Variants in LRMDA observed in about 807,000 individuals in gnomAD.
LRMDA encodes the protein leucine-rich melanocyte differentiation-associated protein.
LRMDA carries 18 observed loss-of-function variants against 29.8 expected under a neutral mutation model. The ratio of observed to expected loss-of-function variants is 0.60; its 90% CI spans 0.42 to 0.90. The LOEUF (loss-of-function observed/expected upper bound fraction) is 0.90. Among genes scored for constraint, LRMDA ranks in the 40% least tolerant of loss-of-function variants. LRMDA has a pLI of 0.00. For synonymous variants in LRMDA, 125 were observed against 109.4 expected, an observed-to-expected ratio of 1.14 and a Z score of -0.89; for missense variants, 273 against 273.9, an observed-to-expected ratio of 1.00 and a Z score of 0.02.
At chr10:76,502,141 G>C (rs1329212173) in intron 6 of LRMDA, among the ~76,000 whole-genome samples, 1 of 151,796 alleles carries the variant, frequency 6.6e-6, no homozygotes, top group African/African-American at 2.4e-5. Flanking sequence ...GCCTATTTTT[G>C]TCAGCCATGT....
chr10:76,352,840 GC>G (rs1313331714), intron 6 of LRMDA, among the ~76,000 whole-genome samples: 9 of 152,070 alleles, frequency 5.9e-5, no homozygotes, highest in Non-Finnish European at 1.3e-4. Context: ...GGAAGGACCA[GC>G]CCCTGTGGCA....
intron 2 of LRMDA, among the ~76,000 whole-genome samples, chr10:75,763,382 A>C (rs1362254787): frequency 6.6e-6 from 1 of 152,168 alleles, no homozygotes; most frequent in African/African-American, 2.4e-5. Flanking sequence ...TTAAAAAAAA[A>C]CCTAGTCTTT....
chr10:76,132,733 A>G (rs1257174799), intron 5 of LRMDA, among the ~76,000 whole-genome samples: 1 of 152,166 alleles, frequency 6.6e-6, no homozygotes, highest in African/African-American at 2.4e-5. Flanking sequence ...GGAGTCCACT[A>G]GAGAGTGAAA....
At chr10:76,208,161 C>T (rs1195307686) in intron 5 of LRMDA, among the ~76,000 whole-genome samples, 3 of 152,150 alleles carry the variant, frequency 2.0e-5, no homozygotes, top group African/African-American at 4.8e-5. Context: ...GGGTACAAGA[C>T]TAAAGAGCTG....
intron 6 of LRMDA, among the ~76,000 whole-genome samples, chr10:76,458,597 C>G (rs2132306220): frequency 6.6e-6 from 1 of 152,250 alleles, no homozygotes; most frequent in East Asian, 1.9e-4. Context: ...AGAGCACTAT[C>G]AGAGCCTGAT....
chr10:75,562,224 G>A (rs1840307366), intron 2 of LRMDA, among the ~76,000 whole-genome samples: 1 of 152,078 alleles, frequency 6.6e-6, no homozygotes, highest in African/African-American at 2.4e-5. Context: ...CCTGTATTGG[G>A]TGCATATATG....
At chr10:76,300,016 G>A (rs1399934017) in intron 5 of LRMDA, among the ~76,000 whole-genome samples, 1 of 152,074 alleles carries the variant, frequency 6.6e-6, no homozygotes, top group Non-Finnish European at 1.5e-5. Context: ...TAAAACTAGG[G>A]GTAGTCATGG....
At chr10:75,713,395 G>T (rs1454385476) in intron 2 of LRMDA, among the ~76,000 whole-genome samples, 1 of 152,174 alleles carries the variant, frequency 6.6e-6, no homozygotes, top group Non-Finnish European at 1.5e-5. Flanking sequence ...AACAGCAGAA[G>T]ATAAATTATT....
intron 5 of LRMDA, among the ~76,000 whole-genome samples, chr10:76,241,266 A>G (rs1329832047): frequency 6.6e-6 from 1 of 152,200 alleles, no homozygotes; most frequent in African/African-American, 2.4e-5. Flanking sequence ...TTGAAATAAA[A>G]AATTAAAAAT....
intron 2 of LRMDA, among the ~76,000 whole-genome samples, chr10:75,587,036 A>G (rs999099252): frequency 2.0e-5 from 3 of 152,096 alleles, no homozygotes; most frequent in Non-Finnish European, 4.4e-5. Flanking sequence ...TGTCATATCC[A>G]TGACATCATT....
intron 2 of LRMDA, among the ~76,000 whole-genome samples, chr10:75,449,084 G>A (rs1412209700): frequency 1.3e-5 from 2 of 151,280 alleles, no homozygotes; most frequent in Admixed American, 6.6e-5. Context: ...CCCAGGAGGC[G>A]GAAGTTGCAG....
At chr10:76,072,376 A>C (rs1194343917) in intron 5 of LRMDA, among the ~76,000 whole-genome samples, 1 of 152,232 alleles carries the variant, frequency 6.6e-6, no homozygotes, top group Non-Finnish European at 1.5e-5. Context: ...AATGCCTGGC[A>C]GGCAGTTCTG....
chr10:75,500,380 T>C (rs1285100172), intron 2 of LRMDA, among the ~76,000 whole-genome samples: 1 of 152,218 alleles, frequency 6.6e-6, no homozygotes, highest in African/African-American at 2.4e-5. Context: ...AATATTATTA[T>C]CTCTGCTCTA....
chr10:76,296,173 A>G (rs1313637904), intron 5 of LRMDA, among the ~76,000 whole-genome samples: 1 of 152,238 alleles, frequency 6.6e-6, no homozygotes, highest in East Asian at 1.9e-4. Context: ...TTATTTAAGT[A>G]TCTAAAGGAT....
At chr10:76,481,523 C>G (rs977972334) in intron 6 of LRMDA, among the ~76,000 whole-genome samples, 2 of 151,902 alleles carry the variant, frequency 1.3e-5, no homozygotes, top group East Asian at 3.9e-4. Flanking sequence ...CTTGCAGGGT[C>G]TCACAAGGAT....
intron 2 of LRMDA, among the ~76,000 whole-genome samples, chr10:75,616,342 C>T (rs376509353): frequency 4.2e-4 from 64 of 152,256 alleles, no homozygotes; most frequent in Non-Finnish European, 6.3e-4. Flanking sequence ...CACCTGGCTC[C>T]GCCCTTGACA....
At chr10:76,254,373 G>C (rs28619462) in intron 5 of LRMDA, among the ~76,000 whole-genome samples, 7,025 of 135,424 alleles carry the variant, frequency 0.052, 222 homozygotes, top group East Asian at 0.21. Context: ...GCTATGCTAT[G>C]CTATGCTATG....
At chr10:76,513,329 T>C (rs1843026890) in intron 6 of LRMDA, among the ~76,000 whole-genome samples, 2 of 152,228 alleles carry the variant, frequency 1.3e-5, no homozygotes, top group African/African-American at 4.8e-5. Context: ...ATTTTTATTA[T>C]ATATTTTTAG....
chr10:76,295,279 G>A (rs917752560), intron 5 of LRMDA, among the ~76,000 whole-genome samples: 17 of 152,324 alleles, frequency 1.1e-4, no homozygotes, highest in African/African-American at 4.1e-4. Context: ...TAAGAGCAGA[G>A]CTGGAAGACC....
Sources: gnomAD v4.1 joint callset for allele counts (sites outside exome capture counted in the v4.1 genomes callset) on GRCh38, gnomAD v4.1.1 for gene constraint, MANE v1.5 for transcripts, NCBI Gene and HGNC (gene_info 2026-07-23, HGNC 2026-07-21) for gene names.